The following SLIT3 variants were observed in gnomAD, a reference collection of about 807,000 sequenced individuals.
SLIT3 encodes slit guidance ligand 3.
A neutral mutation model predicts 184.0 loss-of-function variants in SLIT3; 68 were observed. The ratio of observed to expected loss-of-function variants is 0.37; its 90% CI spans 0.30 to 0.45. SLIT3 has a LOEUF of 0.45. SLIT3 is among the 20% of genes least tolerant of loss of function. The probability of loss-of-function intolerance (pLI) is 1.00; values close to 1 mark genes in which losing one functional copy is unlikely to be tolerated. For missense variants in SLIT3, 1,707 were observed against 2,026.0 expected, an observed-to-expected ratio of 0.84 and a Z score of 3.02; for synonymous variants, 831 against 828.6, an observed-to-expected ratio of 1.00 and a Z score of -0.05.
In SLIT3 at chr5:168,757,591, G is replaced by A. The variant is rs780363355; in HGVS notation, c.1685+3271C>T. Among the ~76,000 whole-genome samples, 15 of 152,154 alleles carry A rather than the reference G, an allele frequency of 9.9e-5. No homozygotes were observed. In the South Asian group the frequency reaches 1.7e-3, roughly 17 times the overall value. On this transcript the variant is annotated intron_variant, in intron 16 of 35. Coordinates refer to ENST00000519560, the MANE Select transcript of SLIT3 (RefSeq NM_003062.4). ...TGGCACTACAGGCGCCTGCCATTGC[G>A]CCCGGCTAATTTTTTTTGTATTTTT... is the stretch of plus-strand genomic sequence containing the variant.
At chr5:169,049,194 T>A (rs1007152741) in intron 4 of SLIT3, among the ~76,000 whole-genome samples, 1 of 152,188 alleles carries the variant, frequency 6.6e-6, no homozygotes, top group East Asian at 1.9e-4. Context: ...GGCCCCAGTA[T>A]ACAAAAAGTA....
intron 14 of SLIT3, among the ~76,000 whole-genome samples, chr5:168,764,241 G>C (rs760691528): frequency 9.9e-5 from 15 of 152,186 alleles, no homozygotes; most frequent in Admixed American, 6.5e-5. Context: ...TATGAATGTA[G>C]CTAGCAGTAA....
intron 4 of SLIT3, among the ~76,000 whole-genome samples, chr5:168,902,707 T>C (rs1760911835): frequency 1.3e-5 from 2 of 152,198 alleles, no homozygotes; most frequent in African/African-American, 4.8e-5. Flanking sequence ...AAATAACCCC[T>C]CCATGTGATG....
At chr5:168,918,119 G>T (rs1761505550) in intron 4 of SLIT3, among the ~76,000 whole-genome samples, 1 of 151,996 alleles carries the variant, frequency 6.6e-6, no homozygotes, top group South Asian at 2.1e-4. Flanking sequence ...GTGCTTCAGA[G>T]ATGTTATATT....
intron 4 of SLIT3, among the ~76,000 whole-genome samples, chr5:169,112,238 T>G (rs1471556484): frequency 6.6e-6 from 1 of 152,162 alleles, no homozygotes; most frequent in Non-Finnish European, 1.5e-5. Context: ...AAGCGGCCCT[T>G]GCTCAGTGCC....
At chr5:169,241,089 C>T (rs531996676) in intron 3 of SLIT3, among the ~76,000 whole-genome samples, 14 of 152,026 alleles carry the variant, frequency 9.2e-5, no homozygotes, top group African/African-American at 3.4e-4. Context: ...TTGACATTGA[C>T]TTTTTTAAAA....
At chr5:168,772,602 T>G in intron 14 of SLIT3, 179 bp downstream of exon 14, 1 of 620,646 alleles carries the variant, frequency 1.6e-6, no homozygotes, top group Non-Finnish European at 2.8e-6. Context: ...GTGTTTTATT[T>G]TAAATCCATA....
chr5:169,200,375 C>G (rs529614685), intron 3 of SLIT3, among the ~76,000 whole-genome samples: 1 of 152,294 alleles, frequency 6.6e-6, no homozygotes, highest in South Asian at 2.1e-4. Flanking sequence ...TCTTAGGCAG[C>G]CTGAATTCTT....
chr5:169,176,238 C>T (rs1412736252), intron 4 of SLIT3, among the ~76,000 whole-genome samples: 4 of 152,156 alleles, frequency 2.6e-5, no homozygotes, highest in Non-Finnish European at 4.4e-5. Flanking sequence ...TAAGTCTCCC[C>T]AAGAAAGCCA....
At chr5:168,802,449 T>C (rs535471733) in intron 9 of SLIT3, among the ~76,000 whole-genome samples, 25 of 152,196 alleles carry the variant, frequency 1.6e-4, no homozygotes, top group Non-Finnish European at 2.9e-4. Context: ...AGTTTCATTT[T>C]ATCACAGAGG....
intron 8 of SLIT3, among the ~76,000 whole-genome samples, chr5:168,814,442 G>C (rs988564348): frequency 6.6e-6 from 1 of 151,944 alleles, no homozygotes; most frequent in African/African-American, 2.4e-5. Flanking sequence ...CCCCACCATA[G>C]ACAGGTCCAT....
At chr5:169,269,901 A>T (rs994712627) in intron 1 of SLIT3, among the ~76,000 whole-genome samples, 4 of 152,218 alleles carry the variant, frequency 2.6e-5, no homozygotes, top group Non-Finnish European at 5.9e-5. Flanking sequence ...GGAGGAAACA[A>T]TTCTCTTCTC....
intron 4 of SLIT3, among the ~76,000 whole-genome samples, chr5:169,009,483 C>T (rs1357749624): frequency 6.6e-6 from 1 of 152,240 alleles, no homozygotes; most frequent in Non-Finnish European, 1.5e-5. Context: ...CAACTGTCTG[C>T]ACCAGGCCCC....
intron 4 of SLIT3, among the ~76,000 whole-genome samples, chr5:168,968,154 C>T (rs9791013): frequency 0.04 from 6,021 of 152,254 alleles, 156 homozygotes; most frequent in Middle Eastern, 0.065. Context: ...CAGTCATCTC[C>T]CCCTCTGCTT....
At chr5:168,884,701 GTTGTATATCGTCCAA>G (rs1276216764) in intron 4 of SLIT3, among the ~76,000 whole-genome samples, 1 of 151,022 alleles carries the variant, frequency 6.6e-6, no homozygotes, top group Non-Finnish European at 1.5e-5. Flanking sequence ...ATTTTTAATG[GTTGTATATCGTCCAA>G]TTGTATGAGT....
At chr5:168,924,652 G>C (rs1761754079) in intron 4 of SLIT3, among the ~76,000 whole-genome samples, 1 of 152,114 alleles carries the variant, frequency 6.6e-6, no homozygotes, top group Non-Finnish European at 1.5e-5. Flanking sequence ...TGGGATTAGA[G>C]ATACATGCCA....
At chr5:169,128,585 C>T (rs989030684) in intron 4 of SLIT3, among the ~76,000 whole-genome samples, 4 of 152,052 alleles carry the variant, frequency 2.6e-5, no homozygotes, top group African/African-American at 7.2e-5. Context: ...CCCAACACCA[C>T]GCCTGGCTAA....
intron 32 of SLIT3, among the ~76,000 whole-genome samples, chr5:168,679,269 G>A (rs1761507071): frequency 6.6e-6 from 1 of 151,998 alleles, no homozygotes; most frequent in Non-Finnish European, 1.5e-5. Context: ...TGTTGCCCAG[G>A]ATACTCTCAA....
intron 6 of SLIT3, among the ~76,000 whole-genome samples, chr5:168,823,926 C>T (rs1757618129): frequency 6.6e-6 from 1 of 152,152 alleles, no homozygotes; most frequent in South Asian, 2.1e-4. Context: ...ATTTTCTAGG[C>T]ATCTTCTGAC....
Sources: gnomAD v4.1 joint callset for allele counts (sites outside exome capture counted in the v4.1 genomes callset) on GRCh38, gnomAD v4.1.1 for gene constraint, MANE v1.5 for transcripts, NCBI Gene and HGNC (gene_info 2026-07-23, HGNC 2026-07-21) for gene names.